CNTNAP5: variants seen among roughly 807,000 people sequenced by gnomAD.
CNTNAP5 encodes the protein contactin associated protein family member 5.
CNTNAP5 carries 72 observed loss-of-function variants against 150.2 expected under a neutral mutation model. The ratio of observed to expected loss-of-function variants is 0.48; its 90% CI spans 0.40 to 0.58. The LOEUF (loss-of-function observed/expected upper bound fraction) is 0.58, where lower values mean the gene tolerates loss of function less well. Among genes scored for constraint, CNTNAP5 ranks in the 20% least tolerant of loss-of-function variants. The pLI, the probability that CNTNAP5 is intolerant of heterozygous loss-of-function variation, is 0.00. For missense variants in CNTNAP5, 1,636 were observed against 1,626.2 expected (o/e 1.01, Z -0.10); for synonymous variants, 672 against 619.8 (o/e 1.08, Z -1.25).
chr2:124,740,373 A>G (rs1012340885), intron 13 of CNTNAP5, among the ~76,000 whole-genome samples: 2 of 152,160 alleles, frequency 1.3e-5, no homozygotes, highest in Non-Finnish European at 2.9e-5. Flanking sequence ...AGGCAGGACC[A>G]TTACTATCAT....
intron 1 of CNTNAP5, among the ~76,000 whole-genome samples, chr2:124,044,605 C>G (rs180791012): frequency 6.6e-6 from 1 of 152,052 alleles, no homozygotes; most frequent in African/African-American, 2.4e-5. Context: ...GAGAGTCCCA[C>G]AGGTCTTGGG....
At chr2:124,856,299 A>T (rs114697331) in intron 19 of CNTNAP5, among the ~76,000 whole-genome samples, 2,097 of 152,328 alleles carry the variant, frequency 0.014, 43 homozygotes, top group African/African-American at 0.048. Context: ...TGCTATAAAC[A>T]TGCGTGTGCA....
rs70996097 is a variant in CNTNAP5 at position 124,681,301 on chromosome 2, CA to C, written c.2077+33363del. ...CTAGCAACAGTGTGAGACTCCATCT[CA>C]AAAAAAAAAAAAAAAAAAAGTTGAG... On this transcript the variant is annotated intron_variant, in intron 13 of 23. Coordinates refer to ENST00000682447, the MANE Select transcript of CNTNAP5 (RefSeq NM_001367498.1). Among the ~76,000 whole-genome samples the C allele has an allele frequency of 7.7e-3, 554 of 72,350 alleles. 2 individuals are homozygous for C. Among genetic ancestry groups the C allele is most frequent in the Admixed American group, 0.011 (63 of 5,918 alleles). The allele number at this position is 72,350 out of a possible 152,430, so 47.5% of individuals were successfully genotyped here.
At chr2:124,851,537 G>A (rs1022866581) in intron 19 of CNTNAP5, among the ~76,000 whole-genome samples, 25 of 152,118 alleles carry the variant, frequency 1.6e-4, no homozygotes, top group African/African-American at 6.0e-4. Flanking sequence ...GATAAAAAAT[G>A]AGGATAATTC....
rs1678445513 is a variant in CNTNAP5 at position 124,903,000 on chromosome 2, T to C, written c.3555T>C (p.Thr1185=). The C allele has an allele frequency of 6.2e-7, 1 of 1,612,020 alleles. No individual in the cohort carries two copies. The highest frequency in any genetic ancestry group is 1.7e-5 in the Admixed American group (1 of 59,796). Residue 1185 remains threonine (T), a synonymous_variant, in exon 22 of 24, where the codon ACT becomes ACC. Transcript: ENST00000682447. The part of the protein sequence containing the change: ...APLKAALRHA[T]VAPVTVHGTL... ...TGAAGGCTGCCCTGCGCCATGCCAC[T>C]GTCGCGCCTGTGACTGTCCATGGGA...
intron 2 of CNTNAP5, among the ~76,000 whole-genome samples, chr2:124,228,048 G>A (rs964823878): frequency 5.3e-5 from 8 of 152,050 alleles, no homozygotes; most frequent in African/African-American, 1.7e-4. Context: ...TGGAGAAGAG[G>A]GAGGCTGGTG....
At chr2:124,559,813 T>C (rs1695846011) in intron 10 of CNTNAP5, among the ~76,000 whole-genome samples, 1 of 152,218 alleles carries the variant, frequency 6.6e-6, no homozygotes, top group Admixed American at 6.5e-5. Context: ...CATGTGTCTT[T>C]TATCTCAAGC....
At chr2:124,146,390 A>G (rs1558774352) in intron 1 of CNTNAP5, among the ~76,000 whole-genome samples, 3 of 152,212 alleles carry the variant, frequency 2.0e-5, no homozygotes. Context: ...AATTTCTTTC[A>G]GTGCTAAGAA....
chr2:124,600,883 G>A lies in CNTNAP5; in HGVS notation c.1757-8918G>A, dbSNP rs148085191. On this transcript the variant is annotated intron_variant, in intron 11 of 23. Coordinates refer to ENST00000682447, the MANE Select transcript of CNTNAP5 (RefSeq NM_001367498.1). ...AACAGATTAACATAATTATAATGCTGAATCTTAATTTACATGCAGTGAAAT... is the reference window on the plus strand; with the variant it reads ...AACAGATTAACATAATTATAATGCTAAATCTTAATTTACATGCAGTGAAAT... Among the ~76,000 whole-genome samples, 128 of 152,198 alleles carry A rather than the reference G, an allele frequency of 8.4e-4. 1 individual carries two copies. The highest frequency in any genetic ancestry group is 2.9e-3 in the African/African-American group (120 of 41,520).
chr2:124,058,893 A>C lies in CNTNAP5; in HGVS notation c.82+33161A>C, dbSNP rs189153596. ...TGCTTTTTCAAGTTGCTTCCTGCTG[A>C]TCCAATCTGCCAGGGATATTTAATT... On this transcript the variant is annotated intron_variant, in intron 1 of 23. Coordinates refer to ENST00000682447, the MANE Select transcript of CNTNAP5 (RefSeq NM_001367498.1). Among the ~76,000 whole-genome samples, 28 of 152,264 alleles carry C rather than the reference A, an allele frequency of 1.8e-4. No individual in the cohort carries two copies. The East Asian group carries it at 3.9e-3, about 21-fold the overall frequency.
At chr2:124,276,618 T>C (rs1687888907) in intron 3 of CNTNAP5, among the ~76,000 whole-genome samples, 1 of 152,130 alleles carries the variant, frequency 6.6e-6, no homozygotes, top group Non-Finnish European at 1.5e-5. Flanking sequence ...GAAAATGACT[T>C]CCCAAGTCTA....
chr2:124,282,076 A>C (rs1001137808), intron 3 of CNTNAP5, among the ~76,000 whole-genome samples: 2 of 152,114 alleles, frequency 1.3e-5, no homozygotes, highest in Non-Finnish European at 2.9e-5. Flanking sequence ...TCAGGGTCTC[A>C]AGACTAGAGC....
chr2:124,050,450 C>A (rs918178962), intron 1 of CNTNAP5, among the ~76,000 whole-genome samples: 1 of 151,744 alleles, frequency 6.6e-6, no homozygotes, highest in African/African-American at 2.4e-5. Context: ...GGAGACAGAG[C>A]GAGGCCCTGT....
At chr2:124,610,620 A>G (rs1246765197) in intron 12 of CNTNAP5, among the ~76,000 whole-genome samples, 2 of 152,204 alleles carry the variant, frequency 1.3e-5, no homozygotes, top group Admixed American at 1.3e-4. Flanking sequence ...ATTTACCATG[A>G]AATACATTTC....
At chr2:124,845,306 A>AT (rs1162153593) in intron 19 of CNTNAP5, among the ~76,000 whole-genome samples, 1 of 152,110 alleles carries the variant, frequency 6.6e-6, no homozygotes, top group Non-Finnish European at 1.5e-5. Context: ...CTGTTAAACC[A>AT]TCCCTGCATT....
intron 7 of CNTNAP5, among the ~76,000 whole-genome samples, chr2:124,483,479 A>C (rs1693804371): frequency 6.6e-6 from 1 of 152,134 alleles, no homozygotes; most frequent in Admixed American, 6.5e-5. Flanking sequence ...TGCTGAGAAA[A>C]ACTGTAGGGC....
At chr2:124,442,041 G>T (rs1692687009) in intron 5 of CNTNAP5, among the ~76,000 whole-genome samples, 1 of 152,126 alleles carries the variant, frequency 6.6e-6, no homozygotes, top group Admixed American at 6.6e-5. Context: ...GTAAGTGAAA[G>T]GTAGTCACTA....
chr2:124,658,328 T>C (rs1678501762), intron 13 of CNTNAP5, among the ~76,000 whole-genome samples: 1 of 152,196 alleles, frequency 6.6e-6, no homozygotes, highest in Non-Finnish European at 1.5e-5. Context: ...CACAGGTTTC[T>C]CCTCTTTGAT....
At chr2:124,662,870 T>G (rs763568766) in intron 13 of CNTNAP5, among the ~76,000 whole-genome samples, 17 of 152,248 alleles carry the variant, frequency 1.1e-4, no homozygotes, top group Non-Finnish European at 2.2e-4. Context: ...TGTACATATA[T>G]GCACTTTACA....
Sources: allele counts gnomAD v4.1 joint callset (sites outside exome capture counted in the v4.1 genomes callset), GRCh38; gene constraint gnomAD v4.1.1; transcripts MANE v1.5; gene names NCBI Gene and HGNC (gene_info 2026-07-23, HGNC 2026-07-21).